The following CNTNAP4 variants were observed in gnomAD, a reference collection of about 807,000 sequenced individuals.
CNTNAP4 encodes the protein contactin associated protein family member 4, also known as contactin-associated protein-like 4.
In CNTNAP4, 98 loss-of-function variants were observed where a neutral mutation model predicts 148.4. The ratio of observed to expected loss-of-function variants is 0.66; its 90% CI spans 0.56 to 0.78. CNTNAP4 has a LOEUF of 0.78. Ranked by LOEUF, CNTNAP4 falls within the 30% of genes least tolerant of loss-of-function variation. CNTNAP4 has a pLI of 0.00. For missense variants in CNTNAP4, 1,935 were observed against 1,565.6 expected (o/e 1.24, Z -3.98); for synonymous variants, 730 against 565.1 (o/e 1.29, Z -4.14).
At chr16:76,308,472 C>G (rs1298314886) in intron 1 of CNTNAP4, among the ~76,000 whole-genome samples, 2 of 152,162 alleles carry the variant, frequency 1.3e-5, no homozygotes, top group Non-Finnish European at 2.9e-5. Flanking sequence ...GCAGCTTCCT[C>G]CACACACCGT....
At chr16:76,449,496 A>G (rs2080373812) in intron 6 of CNTNAP4, among the ~76,000 whole-genome samples, 1 of 152,234 alleles carries the variant, frequency 6.6e-6, no homozygotes, top group Non-Finnish European at 1.5e-5. Context: ...TGAATATCAA[A>G]GCCAGATGTG....
At chr16:76,468,156 T>C (rs1568296019) in intron 10 of CNTNAP4, among the ~76,000 whole-genome samples, 1 of 152,142 alleles carries the variant, frequency 6.6e-6, no homozygotes, top group Non-Finnish European at 1.5e-5. Flanking sequence ...GAGTTAATTG[T>C]GGAGGACAAA....
intron 7 of CNTNAP4, among the ~76,000 whole-genome samples, chr16:76,451,076 C>T (rs2080453791): frequency 6.6e-6 from 1 of 152,156 alleles, no homozygotes; most frequent in Non-Finnish European, 1.5e-5. Context: ...AGCGATGGGC[C>T]TGGGCTTGCT....
chr16:76,395,741 T>C (rs1353274686), intron 3 of CNTNAP4, among the ~76,000 whole-genome samples: 7 of 152,060 alleles, frequency 4.6e-5, no homozygotes, highest in Admixed American at 4.6e-4. Context: ...GGATGGTTTT[T>C]TTTTTTCGAC....
At chr16:76,408,689 AAAT>A (rs1169878678) in intron 3 of CNTNAP4, among the ~76,000 whole-genome samples, 1 of 152,108 alleles carries the variant, frequency 6.6e-6, no homozygotes, top group Non-Finnish European at 1.5e-5. Context: ...TTGCACCATC[AAAT>A]AATCAGTTGT....
chr16:76,394,278 TA>T (rs2078123918), intron 3 of CNTNAP4, among the ~76,000 whole-genome samples: 1 of 152,212 alleles, frequency 6.6e-6, no homozygotes, highest in Non-Finnish European at 1.5e-5. Context: ...GTTTATTCTG[TA>T]AATCACAGAT....
chr16:76,362,794 G>T (rs1258694083), intron 3 of CNTNAP4, among the ~76,000 whole-genome samples: 1 of 152,168 alleles, frequency 6.6e-6, no homozygotes, highest in African/African-American at 2.4e-5. Flanking sequence ...AACTACCTGT[G>T]AGGTACTATG....
At chr16:76,283,798 C>T (rs117212351) in intron 1 of CNTNAP4, among the ~76,000 whole-genome samples, 6,239 of 151,986 alleles carry the variant, frequency 0.041, 227 homozygotes, top group East Asian at 0.18. Context: ...CACTTGTACC[C>T]CTGAACTTAA....
In CNTNAP4 at chr16:76,458,747, A is replaced by G. The variant is rs1424375744; in HGVS notation, c.1334-3209A>G. ...TCTGCTGTGTGATCCAGTTCCTAACAGGCCACAGACCTGGTATCGGTCCAT... is the reference window on the plus strand; with the variant it reads ...TCTGCTGTGTGATCCAGTTCCTAACGGGCCACAGACCTGGTATCGGTCCAT... On this transcript the variant is annotated intron_variant, in intron 8 of 23. Coordinates refer to ENST00000611870, the MANE Select transcript of CNTNAP4 (RefSeq NM_033401.5). Among the ~76,000 whole-genome samples the G allele has an allele frequency of 2.0e-5, 3 of 152,302 alleles. No homozygotes were observed. In the East Asian group the frequency reaches 5.8e-4, roughly 30 times the overall value.
At position 76,535,732 on chromosome 16, in the gene CNTNAP4, G is replaced by A; in HGVS notation, c.2943G>A (p.Gly981=). ...GGAAATGCAGAGAAAGACCCATTGG[G>A]TTCTTTTGTGACTGCACTTTCTCTG... ...NGGKCRERPI[G]FFCDCTFSAY... is the part of the protein sequence containing the mutation. Residue 981 remains glycine (G), a synonymous_variant, in exon 18 of 24, where the codon GGG becomes GGA. Transcript: ENST00000611870. 6.2e-7 allele frequency: 1 copy of A among 1,613,942 alleles called. No individual in the cohort carries two copies. The highest frequency in any genetic ancestry group is 1.3e-5 in the African/African-American group (1 of 75,038).
chr16:76,378,727 G>C (rs1249799722), intron 3 of CNTNAP4, among the ~76,000 whole-genome samples: 1 of 152,156 alleles, frequency 6.6e-6, no homozygotes, highest in Non-Finnish European at 1.5e-5. Flanking sequence ...CTTTCCTTAA[G>C]ATTCCATATA....
chr16:76,528,217 G>A (rs1192110158), intron 17 of CNTNAP4, among the ~76,000 whole-genome samples: 1 of 152,022 alleles, frequency 6.6e-6, no homozygotes, highest in Non-Finnish European at 1.5e-5. Context: ...TACTAACTGG[G>A]TCTATGTTGG....
intron 12 of CNTNAP4, among the ~76,000 whole-genome samples, chr16:76,488,198 G>A (rs778596106): frequency 6.6e-6 from 1 of 151,988 alleles, no homozygotes; most frequent in Non-Finnish European, 1.5e-5. Context: ...GGAAATGGAG[G>A]CTCAGATTTT....
intron 3 of CNTNAP4, among the ~76,000 whole-genome samples, chr16:76,412,381 GC>G (rs1281442594): frequency 6.6e-6 from 1 of 151,212 alleles, no homozygotes; most frequent in Non-Finnish European, 1.5e-5. Flanking sequence ...GAGTGGAATT[GC>G]CAACTCATAA....
At chr16:76,404,242 G>A (rs1458423860) in intron 3 of CNTNAP4, among the ~76,000 whole-genome samples, 1 of 151,246 alleles carries the variant, frequency 6.6e-6, no homozygotes, top group Non-Finnish European at 1.5e-5. Flanking sequence ...AAAGGTAAAT[G>A]TAAATGCACA....
intron 1 of CNTNAP4, among the ~76,000 whole-genome samples, chr16:76,303,741 G>T (rs1387171199): frequency 6.6e-6 from 1 of 152,166 alleles, no homozygotes; most frequent in Admixed American, 6.6e-5. Context: ...AAACAGCTCT[G>T]AAGCTGAAGA....
chr16:76,310,285 G>A (rs891710708), intron 1 of CNTNAP4, among the ~76,000 whole-genome samples: 1 of 152,078 alleles, frequency 6.6e-6, no homozygotes, highest in Non-Finnish European at 1.5e-5. Context: ...TGGGTTTATG[G>A]TTACAGTACA....
At chr16:76,314,296 A>C (rs1438918109) in intron 1 of CNTNAP4, among the ~76,000 whole-genome samples, 2 of 152,220 alleles carry the variant, frequency 1.3e-5, no homozygotes, top group Non-Finnish European at 2.9e-5. Context: ...CTTGCGAAAG[A>C]AAGCTTTCAG....
intron 2 of CNTNAP4, among the ~76,000 whole-genome samples, chr16:76,349,086 T>C (rs1304586246): frequency 6.6e-6 from 1 of 152,126 alleles, no homozygotes; most frequent in African/African-American, 2.4e-5. Context: ...GCAAACACTC[T>C]GCAGGCACAG....
Sources: gnomAD v4.1 joint callset for allele counts (sites outside exome capture counted in the v4.1 genomes callset) on GRCh38, gnomAD v4.1.1 for gene constraint, MANE v1.5 for transcripts, NCBI Gene and HGNC (gene_info 2026-07-23, HGNC 2026-07-21) for gene names.